Variants in FAM120AOS observed in about 807,000 individuals in gnomAD.
FAM120AOS encodes uncharacterized protein FAM120AOS.
Under a neutral mutation model 20.2 loss-of-function variants are expected in FAM120AOS, and 15 were observed. The observed-to-expected ratio is 0.74, with a 90% CI of 0.50 to 1.15. The LOEUF is 1.15. Among genes scored for constraint, FAM120AOS ranks in the 50% most tolerant of loss-of-function variants. The pLI is 0.00. For synonymous variants in FAM120AOS, 154 were observed against 154.0 expected (o/e 1.00, Z 0.00); for missense variants, 327 against 351.9 (o/e 0.93, Z 0.57).
Position 93,451,316 on chromosome 9 carries a change from G to C in FAM120AOS, c.564-717C>G. The C allele has an allele frequency of 4.1e-6, 6 of 1,446,528 alleles. No individual in the cohort carries two copies. The South Asian group carries it at 8.6e-5, about 21-fold the overall frequency. The allele number at this position is 1,446,528 out of a possible 1,614,324, so 89.6% of individuals were successfully genotyped here. The stretch of plus-strand genomic sequence containing the variant: ...CGCTGCTTCCCTCAGGAGCAGGCGA[G>C]CTCTTCCCCAGGACCTGCTTCGCGG... On this transcript the variant is annotated intron_variant, in intron 1 of 2. Transcript: ENST00000375412.
chr9:93,449,046 C>T (rs1413555978), intron 2 of FAM120AOS, among the ~76,000 whole-genome samples: 3 of 147,692 alleles, frequency 2.0e-5, no homozygotes, highest in African/African-American at 7.6e-5. Context: ...TCAATAGCTA[C>T]TCAATAAATA....
rs1220968497 is a variant in FAM120AOS, at chr9:93,450,536, T to C, written c.627A>G (p.Thr209=). The C allele has an allele frequency of 1.9e-6, 3 of 1,606,042 alleles. No homozygotes were observed. Among genetic ancestry groups the C allele is most frequent in the East Asian group, 2.2e-5 (1 of 44,760 alleles). Residue 209 remains threonine, a synonymous_variant, in exon 2 of 3, where the codon ACA becomes ACG. Coordinates refer to ENST00000375412, the MANE Select transcript of FAM120AOS (RefSeq NM_198841.4). ...QAVAGQLLPS[T]WSLHAHGLAK... ...CCAAACCGTGCGCGTGCAGGCTCCA[T>C]GTGCTGGGCAGCAGCTGTCCGGCCA...
At chr9:93,449,492 ATTTTTT>A (rs10667664) in intron 2 of FAM120AOS, among the ~76,000 whole-genome samples, 2 of 109,536 alleles carry the variant, frequency 1.8e-5, no homozygotes, top group Admixed American at 1.2e-4. Flanking sequence ...TGGCACTGGC[ATTTTTT>A]TTTTTTTTTT....
At chr9:93,449,513 T>TTTTTTTTA (rs1856995309) in intron 2 of FAM120AOS, among the ~76,000 whole-genome samples, 2 of 149,320 alleles carry the variant, frequency 1.3e-5, no homozygotes, top group South Asian at 2.1e-4. Flanking sequence ...TTTTTTTTTT[T>TTTTTTTTA]GAGATGGAGC....
chr9:93,444,608 G>A lies in FAM120AOS; in HGVS notation c.*3003C>T, dbSNP rs1165914436. Among the ~76,000 whole-genome samples the A allele has an allele frequency of 1.3e-5, 2 of 150,108 alleles. No homozygotes were observed. The highest frequency in any genetic ancestry group is 3.0e-5 in the Non-Finnish European group (2 of 67,538). On this transcript the variant is annotated 3_prime_UTR_variant, in exon 3 of 3. Transcript: ENST00000375412. ...CAGTATGTTTTGAGGCCAGTAAGGA[G>A]TTCTGCTTTTTTTTTTTTTTCCTGA...
In FAM120AOS at chr9:93,452,388, A is replaced by G; in HGVS notation, c.322T>C (p.Leu108=). The part of the protein sequence containing the change: ...PRPARIPGLT[L]TWKRMSARRM... The stretch of plus-strand genomic sequence containing the variant: ...CTGGCGCTCATCCGCTTCCACGTCA[A>G]GGTGAGGCCGGGGATCCGGGCGGGC... The change falls in exon 1 of 3, where the codon TTG becomes CTG. Residue 108 remains leucine (L), a synonymous_variant. Transcript: ENST00000375412. The surrounding 1 kb of genome is among the most constrained non-coding windows in gnomAD (Gnocchi z 7.0). The G allele has an allele frequency of 6.2e-7, 1 of 1,606,364 alleles. No homozygotes were observed. The highest frequency in any genetic ancestry group is 8.5e-7 in the Non-Finnish European group (1 of 1,177,176).
chr9:93,448,474 C>A (rs966350544), intron 2 of FAM120AOS: 2 of 215,586 alleles, frequency 9.3e-6, no homozygotes. Context: ...GCCTGGGCAA[C>A]AGAGCAAGAC....
In FAM120AOS at chr9:93,452,978, G is replaced by T; in HGVS notation, c.-269C>A. The T allele has an allele frequency of 7.4e-7, 1 of 1,344,782 alleles. No individual in the cohort carries two copies. The highest frequency in any genetic ancestry group is 9.5e-7 in the Non-Finnish European group (1 of 1,050,128). 83.3% of individuals were successfully genotyped at this position (1,344,782 alleles called of 1,614,324 possible). On this transcript the variant is annotated 5_prime_UTR_variant, in exon 1 of 3. Transcript: ENST00000375412. The surrounding 1 kb of genome is among the most constrained non-coding windows in gnomAD (Gnocchi z 7.0). ...CTTCAGAACGCAGTGCCCTGTCCGT[G>T]TTCCTCTTAGTACAGGGTGTTTAGA...
chr9:93,450,751 C>G, intron 1 of FAM120AOS, 152 bp from the exon 2 acceptor site: 7 of 1,256,580 alleles, frequency 5.6e-6, no homozygotes, highest in Non-Finnish European at 7.9e-6. Context: ...CAGTATCAAC[C>G]TCATTTTAGA....
rs1455946716 is a variant in FAM120AOS at position 93,445,580 on chromosome 9, G to GTTGT, written c.*2027_*2030dup. 3.8e-5 allele frequency among the ~76,000 whole-genome samples: 4 copies of GTTGT among 106,350 alleles called. No homozygotes were observed. Among genetic ancestry groups the GTTGT allele is most frequent in the African/African-American group, 1.4e-4 (4 of 28,154 alleles). The allele number at this position is 106,350 out of a possible 152,430, so 69.8% of individuals were successfully genotyped here. On this transcript the variant is annotated 3_prime_UTR_variant, in exon 3 of 3. Coordinates refer to ENST00000375412, the MANE Select transcript of FAM120AOS (RefSeq NM_198841.4). Reference sequence around the variant, plus strand: ...TGGTTCTCCAACTTTCATAAAAATCGTTGTTTTTTTTTTTTTTTTTTTTTT... The same window carrying GTTGT: ...TGGTTCTCCAACTTTCATAAAAATCGTTGTTTGTTTTTTTTTTTTTTTTTTTTTT...
In FAM120AOS at chr9:93,452,499, T is replaced by A. The variant is rs756879211; in HGVS notation, c.211A>T (p.Thr71Ser). ...ARLSRARAGG[T>S]RCPQRRHGRA... ...CCGTGGCGGCGCTGGGGGCAGCGAG[T>A]TCCCCCAGCCCTTGCCCGGGATAGC... Residue 71 changes from threonine (T) to serine (S), a missense_variant, in exon 1 of 3, where the codon ACT becomes TCT. Physicochemically the swap from Thr to Ser is moderately conservative, Grantham distance 58 (BLOSUM62 1). Around this residue, in one of 3 missense-constraint regions of FAM120AOS, gnomAD observed 155 missense variants for 128.8 expected, o/e 1.20. Transcript: ENST00000375412. The surrounding 1 kb of genome is among the most constrained non-coding windows in gnomAD (Gnocchi z 7.0). 6 of 1,545,808 alleles carry A rather than the reference T, an allele frequency of 3.9e-6. No homozygotes were observed. The highest frequency in any genetic ancestry group is 5.2e-6 in the Non-Finnish European group (6 of 1,150,726).
chr9:93,444,844 C>T lies in FAM120AOS; in HGVS notation c.*2767G>A, dbSNP rs536765997. On this transcript the variant is annotated 3_prime_UTR_variant, in exon 3 of 3. Transcript: ENST00000375412. ...TGTCAGGCTGGTCTTGAACTCCCGA[C>T]CTCAGGTGATCCACCCGCCTCGGCC... Among the ~76,000 whole-genome samples the T allele has an allele frequency of 6.6e-6, 1 of 152,212 alleles. No homozygotes were observed. The highest frequency in any genetic ancestry group is 1.9e-4 in the East Asian group (1 of 5,180).
intron 1 of FAM120AOS, chr9:93,451,415 G>A: frequency 7.5e-7 from 1 of 1,334,176 alleles, no homozygotes. Context: ...GCGCAGGGGA[G>A]GGGAGCGGCG....
Position 93,445,292 on chromosome 9 carries a change from T to A in FAM120AOS, c.*2319A>T, listed in dbSNP as rs960750358. On this transcript the variant is annotated 3_prime_UTR_variant, in exon 3 of 3. Transcript: ENST00000375412. Reference sequence around the variant, plus strand: ...CATCCCTGAAAGGTCTGAGAAAAAATAAAAAAAAATTGTGTATAGTTTTGG... The same window carrying A: ...CATCCCTGAAAGGTCTGAGAAAAAAAAAAAAAAAATTGTGTATAGTTTTGG... Among the ~76,000 whole-genome samples, 3 of 146,026 alleles carry A rather than the reference T, an allele frequency of 2.1e-5. No individual in the cohort carries two copies. Among genetic ancestry groups the A allele is most frequent in the Admixed American group, 6.8e-5 (1 of 14,800 alleles).
rs1460846162 is a variant in FAM120AOS at position 93,444,041 on chromosome 9, TTTTG to T, written c.*3566_*3569del. 1.4e-5 allele frequency among the ~76,000 whole-genome samples: 2 copies of T among 145,060 alleles called. No individual in the cohort carries two copies. Among genetic ancestry groups the T allele is most frequent in the East Asian group, 3.8e-4 (2 of 5,198 alleles). Reference sequence around the variant, plus strand: ...CTCTCAGGGGAATTTTTTTGTTTGTTTTTGTTTTTGTTTTTTGAGACGGAGTTTT... The same window carrying T: ...CTCTCAGGGGAATTTTTTTGTTTGTTTTTTTGTTTTTTGAGACGGAGTTTT... On this transcript the variant is annotated 3_prime_UTR_variant, in exon 3 of 3. Transcript: ENST00000375412.
In FAM120AOS at chr9:93,443,972, T is replaced by C. The variant is rs184521498; in HGVS notation, c.*3639A>G. On this transcript the variant is annotated 3_prime_UTR_variant, in exon 3 of 3. Coordinates refer to ENST00000375412, the MANE Select transcript of FAM120AOS (RefSeq NM_198841.4). Reference sequence around the variant, plus strand: ...GATTATTTCCACATTCTTCAGACCATAGGGTCATTTTTTCCTGCTCCTCTG... The same window carrying C: ...GATTATTTCCACATTCTTCAGACCACAGGGTCATTTTTTCCTGCTCCTCTG... 6.1e-3 allele frequency among the ~76,000 whole-genome samples: 929 copies of C among 152,306 alleles called. 3 individuals carry two copies. Among genetic ancestry groups the C allele is most frequent in the Middle Eastern group, 0.014 (4 of 294 alleles).
intron 1 of FAM120AOS, chr9:93,451,220 G>C: frequency 6.5e-7 from 1 of 1,527,590 alleles, no homozygotes; most frequent in African/African-American, 1.4e-5. Context: ...AGCCGACGGC[G>C]GCGTTAGAAA....
rs943805663 is a variant in FAM120AOS at position 93,444,732 on chromosome 9, A to G, written c.*2879T>C. Reference sequence around the variant, plus strand: ...CAGGTTCAAGGGATTCTTCTGCCTCAGCCTCCCTAGTAGCTGGGATTACAG... The same window carrying G: ...CAGGTTCAAGGGATTCTTCTGCCTCGGCCTCCCTAGTAGCTGGGATTACAG... On this transcript the variant is annotated 3_prime_UTR_variant, in exon 3 of 3. Coordinates refer to ENST00000375412, the MANE Select transcript of FAM120AOS (RefSeq NM_198841.4). Among the ~76,000 whole-genome samples, 1 of 151,672 alleles carries G rather than the reference A, an allele frequency of 6.6e-6. No individual in the cohort carries two copies. The highest frequency in any genetic ancestry group is 2.4e-5 in the African/African-American group (1 of 41,256).
At position 93,444,573 on chromosome 9, in the gene FAM120AOS, G is replaced by A. The variant is rs1439756131; in HGVS notation, c.*3038C>T. Among the ~76,000 whole-genome samples, 6 of 151,892 alleles carry A rather than the reference G, an allele frequency of 4.0e-5. No individual in the cohort carries two copies. Among genetic ancestry groups the A allele is most frequent in the East Asian group, 1.9e-4 (1 of 5,190 alleles). On this transcript the variant is annotated 3_prime_UTR_variant, in exon 3 of 3. Coordinates refer to ENST00000375412, the MANE Select transcript of FAM120AOS (RefSeq NM_198841.4). Reference sequence around the variant, plus strand: ...CAGGATTTCTAGACCTGTAGGTTACGGAAATGTCACAGTATGTTTTGAGGC... The same window carrying A: ...CAGGATTTCTAGACCTGTAGGTTACAGAAATGTCACAGTATGTTTTGAGGC...
Sources: gnomAD v4.1 joint callset for allele counts (sites outside exome capture counted in the v4.1 genomes callset) on GRCh38, gnomAD v4.1.1 for gene constraint, gnomAD v4.1.1 regional missense constraint, Gnocchi (gnomAD v3.1) non-coding constraint, MANE v1.5 for transcripts, NCBI Gene and HGNC (gene_info 2026-07-23, HGNC 2026-07-21) for gene names.